The following COL20A1 variants were observed in gnomAD, a reference collection of about 807,000 sequenced individuals.
COL20A1 encodes the protein collagen alpha-1(XX) chain.
Under a neutral mutation model 152.9 loss-of-function variants are expected in COL20A1, and 164 were observed. That is an observed-to-expected ratio of 1.07 (90% confidence interval 0.94 to 1.22). The LOEUF is 1.22. Ranked by LOEUF, COL20A1 falls within the 50% of genes most tolerant of loss-of-function variation. The probability of loss-of-function intolerance (pLI) is 0.00; values close to 1 mark genes in which losing one functional copy is unlikely to be tolerated. For missense variants in COL20A1, 1,873 were observed against 1,744.8 expected (o/e 1.07, Z -1.31); for synonymous variants, 864 against 756.0 (o/e 1.14, Z -2.34).
Position 63,313,954 on chromosome 20 carries a change from A to G in COL20A1, c.2358+63A>G, listed in dbSNP as rs972672173. The G allele has an allele frequency of 6.3e-6, 10 of 1,589,972 alleles. No homozygotes were observed. The African/African-American group carries it at 1.3e-4, about 21-fold the overall frequency. ...GGGGCCTCCTGGAAGGGGTATGGCC[A>G]CACTGTCTGCGAAGGGTGGCAGCTC... On this transcript the variant is annotated intron_variant, in intron 18 of 35. Transcript: ENST00000358894. This position sits in a 1 kb window ranked among gnomAD's most constrained non-coding sequence, Gnocchi z 5.9.
intron 7 of COL20A1, 74 bp downstream of exon 7, chr20:63,308,164 C>G (rs1384654344): frequency 1.5e-5 from 23 of 1,565,814 alleles, no homozygotes; most frequent in Non-Finnish European, 1.7e-5. Context: ...ATCCCGAAAG[C>G]TTGTGTGTAA....
intron 21 of COL20A1, among the ~76,000 whole-genome samples, chr20:63,317,991 C>T (rs2068106754): frequency 6.6e-6 from 1 of 152,144 alleles, no homozygotes; most frequent in Admixed American, 6.5e-5. Flanking sequence ...CTCCTGGGTG[C>T]CTCCCCAACC....
At chr20:63,295,065 C>CG in intron 1 of COL20A1, 33 bp from the exon 2 acceptor site, 2 of 1,400,856 alleles carry the variant, frequency 1.4e-6, no homozygotes, top group Non-Finnish European at 2.0e-6. Context: ...GACGGGGGGA[C>CG]GGCTGAAGGG....
chr20:63,314,988 C>T (rs2068066638), intron 19 of COL20A1, among the ~76,000 whole-genome samples: 1 of 150,958 alleles, frequency 6.6e-6, no homozygotes, highest in African/African-American at 2.4e-5. Flanking sequence ...CCCCAGCCTG[C>T]CCGCACACCA....
chr20:63,311,669 TG>T lies in COL20A1; in HGVS notation c.1586del (p.Gly529AlafsTer40). ...PEVLLDGLEP[G>X]RDYEVSVQSL... ...AGGTGCTGCTGGATGGCCTGGAACC[TG>T]GCAGGGACTATGAGGTCTCGGTGCA... On this transcript the variant is annotated frameshift_variant, in exon 13 of 36. Coordinates refer to ENST00000358894, the MANE Select transcript of COL20A1 (RefSeq NM_020882.4). LOFTEE classifies it high-confidence loss of function. The surrounding 1 kb of genome is among the most constrained non-coding windows in gnomAD (Gnocchi z 4.4). The T allele has an allele frequency of 6.2e-7, 1 of 1,607,654 alleles. No homozygotes were observed.
chr20:63,304,623 C>G (rs13040993), intron 3 of COL20A1, among the ~76,000 whole-genome samples: 6 of 129,966 alleles, frequency 4.6e-5, no homozygotes, highest in African/African-American at 1.5e-4. Context: ...CTCCCTCCAG[C>G]TGCGCAGATG....
In COL20A1 at chr20:63,314,180, G is replaced by C. The variant is rs746104995; in HGVS notation, c.2467G>C (p.Val823Leu). ...CTATGCAGCAGGCAGGAGTGAGGCT[G>C]TGTCTGCCACGGGCCAGACAGGTGA... The part of the protein sequence containing the change: ...AIYAAGRSEA[V>L]SATGQTACPA... Residue 823 changes from valine (V) to leucine (L), a missense_variant, in exon 19 of 36, where the codon GTG becomes CTG. Coordinates refer to ENST00000358894, the MANE Select transcript of COL20A1 (RefSeq NM_020882.4). The C allele has an allele frequency of 1.7e-5, 26 of 1,572,446 alleles. No individual in the cohort carries two copies. The highest frequency in any genetic ancestry group is 2.2e-5 in the Non-Finnish European group (26 of 1,159,392).
intron 3 of COL20A1, among the ~76,000 whole-genome samples, chr20:63,303,094 C>T (rs1480767092): frequency 6.6e-6 from 1 of 152,176 alleles, no homozygotes; most frequent in African/African-American, 2.4e-5. Flanking sequence ...TTCAAGTAAC[C>T]ACACTAGCGA....
chr20:63,323,961 T>A (rs1330518772), intron 27 of COL20A1, among the ~76,000 whole-genome samples: 3 of 152,258 alleles, frequency 2.0e-5, no homozygotes, highest in Admixed American at 6.5e-5. Flanking sequence ...GTCTTCATGA[T>A]GTTGAATCTT....
chr20:63,327,645 TG>T, intron 31 of COL20A1: 1 of 451,946 alleles, frequency 2.2e-6, no homozygotes, highest in Non-Finnish European at 4.1e-6. Context: ...GTCTGTTCTC[TG>T]GGCAGTGTCC....
chr20:63,322,209 A>G, intron 27 of COL20A1, 98 bp downstream of exon 27: 1 of 1,023,190 alleles, frequency 9.8e-7, no homozygotes, highest in Non-Finnish European at 1.4e-6. Context: ...AGGGAGCTGC[A>G]CGCAGCTTCC....
chr20:63,310,562 G>A (rs774767309), intron 11 of COL20A1, 52 bp downstream of exon 11: 47 of 1,526,572 alleles, frequency 3.1e-5, no homozygotes, highest in South Asian at 8.7e-5. Context: ...CCCCACTCAC[G>A]GCTGTCCCTT....
At chr20:63,329,962 C>T (rs938079201) in intron 35 of COL20A1, among the ~76,000 whole-genome samples, 11 of 152,124 alleles carry the variant, frequency 7.2e-5, no homozygotes, top group African/African-American at 2.7e-4. Context: ...TGCAGAGTTG[C>T]GTGCTGGGGC....
Position 63,311,386 on chromosome 20 carries a change from C to T in COL20A1, c.1394-8C>T, listed in dbSNP as rs374865413. On this transcript the variant is annotated splice_polypyrimidine_tract_variant and splice_region_variant and intron_variant, in intron 11 of 35. Transcript: ENST00000358894. The surrounding 1 kb of genome is among the most constrained non-coding windows in gnomAD (Gnocchi z 4.4). ...TCCTTCCTAAAGTGTCCCTGCATGG[C>T]CCCCCAGCACCTCTGCCTCCGCCCC... 2 of 1,573,352 alleles carry T rather than the reference C, an allele frequency of 1.3e-6. No individual in the cohort carries two copies. The highest frequency in any genetic ancestry group is 1.7e-6 in the Non-Finnish European group (2 of 1,161,188).
In COL20A1 at chr20:63,313,805, C is replaced by T. The variant is rs750275318; in HGVS notation, c.2272C>T (p.Gln758Ter). 5 of 1,610,958 alleles carry T rather than the reference C, an allele frequency of 3.1e-6. No individual in the cohort carries two copies. Among genetic ancestry groups the T allele is most frequent in the Non-Finnish European group, 4.2e-6 (5 of 1,179,212 alleles). ...GGCCTCGGAGACCCCCGACAGCCTG[C>T]AGGTCAGCTGGACGCCCCCGCTTGG... ...ALASETPDSL[Q>*]VSWTPPLGRV... The change falls in exon 18 of 36, where the codon CAG (glutamine) becomes TAG (stop). Residue 758 changes from glutamine to a stop codon, truncating the protein, a stop_gained. Coordinates refer to ENST00000358894, the MANE Select transcript of COL20A1 (RefSeq NM_020882.4). LOFTEE classifies it high-confidence loss of function. This position sits in a 1 kb window ranked among gnomAD's most constrained non-coding sequence, Gnocchi z 5.9.
rs188224801 is a variant in COL20A1, at chr20:63,295,579, C to T, written c.82+390C>T. ...GGGCACATAGCCCTCTGGCTTCTCT[C>T]GGTGCGGCACTCGCATTTCCACGCA... On this transcript the variant is annotated intron_variant, in intron 2 of 35. Transcript: ENST00000358894. 2.5e-4 allele frequency among the ~76,000 whole-genome samples: 38 copies of T among 152,282 alleles called. No homozygotes were observed. The East Asian group carries it at 5.4e-3, about 22-fold the overall frequency.
At position 63,305,384 on chromosome 20, in the gene COL20A1, T is replaced by C. The variant is rs1004306152; in HGVS notation, c.194-33T>C. 6.9e-6 allele frequency: 10 copies of C among 1,451,648 alleles called. No individual in the cohort carries two copies. The highest frequency in any genetic ancestry group is 5.5e-5 in the Admixed American group (2 of 36,082). The allele number at this position is 1,451,648 out of a possible 1,614,324, so 89.9% of individuals were successfully genotyped here. On this transcript the variant is annotated intron_variant, in intron 3 of 35. Coordinates refer to ENST00000358894, the MANE Select transcript of COL20A1 (RefSeq NM_020882.4). The surrounding 1 kb of genome is among the most constrained non-coding windows in gnomAD (Gnocchi z 4.9). ...TGACAGATGCACACACGTGTGCACC[T>C]TGGCCTCTAAAGCTCTCCCCACCCC...
chr20:63,325,002 G>C (rs1480977999), intron 27 of COL20A1: 1 of 301,614 alleles, frequency 3.3e-6, no homozygotes, highest in African/African-American at 2.3e-5. Flanking sequence ...GGGGAGGGCT[G>C]GGGGTGAGGT....
chr20:63,323,328 G>A (rs1196424300), intron 27 of COL20A1, among the ~76,000 whole-genome samples: 4 of 152,222 alleles, frequency 2.6e-5, no homozygotes, highest in Non-Finnish European at 4.4e-5. Context: ...TGCGACGTGC[G>A]TTTCCATACA....
Sources: allele counts gnomAD v4.1 joint callset (sites outside exome capture counted in the v4.1 genomes callset), GRCh38; gene constraint gnomAD v4.1.1; non-coding constraint Gnocchi (gnomAD v3.1); transcripts MANE v1.5; gene names NCBI Gene and HGNC (gene_info 2026-07-23, HGNC 2026-07-21).